Variants in CHN2 observed in about 807,000 individuals in gnomAD.
CHN2 encodes the protein chimerin 2.
In CHN2, 35 loss-of-function variants were observed where a neutral mutation model predicts 56.3. The observed-to-expected ratio is 0.62, with a 90% CI of 0.47 to 0.82. The LOEUF is 0.82. Among genes scored for constraint, CHN2 ranks in the 40% least tolerant of loss-of-function variants. The pLI, the probability that CHN2 is intolerant of heterozygous loss-of-function variation, is 0.00. For missense variants in CHN2, 491 were observed against 580.5 expected (o/e 0.85, Z 1.58); for synonymous variants, 210 against 212.8 (o/e 0.99, Z 0.12).
intron 3 of CHN2, among the ~76,000 whole-genome samples, chr7:29,371,389 T>G (rs1799602349): frequency 6.6e-6 from 1 of 152,242 alleles, no homozygotes; most frequent in Non-Finnish European, 1.5e-5. Context: ...GAAGCTTTAC[T>G]ACTGCAAATT....
chr7:29,164,865 G>A (rs566408306), intron 2 of CHN2, among the ~76,000 whole-genome samples: 3 of 151,734 alleles, frequency 2.0e-5, no homozygotes, highest in South Asian at 4.2e-4. Context: ...ATATGTGTGG[G>A]TCTGTTTCTA....
chr7:29,195,621 AGAGAGAGAGTGT>A (rs990914462), intron 1 of CHN2, among the ~76,000 whole-genome samples: 2 of 127,510 alleles, frequency 1.6e-5, no homozygotes, highest in East Asian at 4.2e-4. Flanking sequence ...AGAGAGAGAG[AGAGAGAGAGTGT>A]GTGTGTGTGT....
chr7:29,211,289 G>A (rs370451424), intron 1 of CHN2, among the ~76,000 whole-genome samples: 76 of 151,368 alleles, frequency 5.0e-4, no homozygotes, highest in Admixed American at 3.6e-3. Flanking sequence ...CATGTTAGCC[G>A]GGATGGTCTC....
At chr7:29,221,282 A>G (rs1785771828) in intron 1 of CHN2, among the ~76,000 whole-genome samples, 1 of 152,258 alleles carries the variant, frequency 6.6e-6, no homozygotes, top group Admixed American at 6.5e-5. Flanking sequence ...AATTATATAC[A>G]TAGAAAATAT....
At chr7:29,262,376 T>TA (rs1383080834) in intron 1 of CHN2, among the ~76,000 whole-genome samples, 6 of 152,210 alleles carry the variant, frequency 3.9e-5, no homozygotes, top group Non-Finnish European at 8.8e-5. Context: ...TTGTGTCACT[T>TA]ACAAAAGTAA....
chr7:29,378,493 T>C (rs1375945332), intron 3 of CHN2, among the ~76,000 whole-genome samples: 2 of 152,204 alleles, frequency 1.3e-5, no homozygotes. Flanking sequence ...AATAAAGTTT[T>C]ATTAGAACGC....
rs77406245 is a variant in CHN2, at chr7:29,292,672, G to A, written c.50-61953G>A. On this transcript the variant is annotated intron_variant, in intron 1 of 12. Transcript: ENST00000222792. ...AAACTGGATCGTTGTCAGTAAAAGC[G>A]ACTGAAATGTTATTGATTTTTGTTT... Among the ~76,000 whole-genome samples, 782 of 152,334 alleles carry A rather than the reference G, an allele frequency of 5.1e-3. 9 individuals are homozygous for A. The highest frequency in any genetic ancestry group is 0.017 in the African/African-American group (721 of 41,582).
At chr7:29,473,385 C>T (rs555740382) in intron 6 of CHN2, among the ~76,000 whole-genome samples, 1 of 151,904 alleles carries the variant, frequency 6.6e-6, no homozygotes, top group Non-Finnish European at 1.5e-5. Context: ...AGGATTTTTA[C>T]AGCCCAGCCC....
At position 29,496,007 on chromosome 7, in the gene CHN2, G is replaced by A; in HGVS notation, c.710G>A (p.Gly237Glu). 6.2e-7 allele frequency: 1 copy of A among 1,612,436 alleles called. No homozygotes were observed. The highest frequency in any genetic ancestry group is 8.5e-7 in the Non-Finnish European group (1 of 1,179,478). ...GAATATTGTGCCAATTTCATGTGGGGGCTCATCGCCCAAGGGGTCCGGTGC... is the reference window on the plus strand; with the variant it reads ...GAATATTGTGCCAATTTCATGTGGGAGCTCATCGCCCAAGGGGTCCGGTGC... ...WCEYCANFMW[G>E]LIAQGVRCSD... Residue 237 changes from glycine to glutamate, a missense_variant, in exon 8 of 13, where the codon GGG becomes GAG. Gly to Glu is a moderately conservative substitution (Grantham distance 98). Transcript: ENST00000222792.
intron 8 of CHN2, among the ~76,000 whole-genome samples, chr7:29,497,169 T>C (rs1789392683): frequency 6.6e-6 from 1 of 152,082 alleles, no homozygotes; most frequent in Non-Finnish European, 1.5e-5. Context: ...TCAACATAGC[T>C]CAGAAGCAGC....
chr7:29,408,643 G>A (rs1354591226), intron 6 of CHN2, among the ~76,000 whole-genome samples: 2 of 152,142 alleles, frequency 1.3e-5, no homozygotes, highest in African/African-American at 2.4e-5. Flanking sequence ...TAAATGATGG[G>A]AAACAATTAA....
intron 1 of CHN2, among the ~76,000 whole-genome samples, chr7:29,320,600 A>G (rs1455237487): frequency 6.6e-6 from 1 of 152,148 alleles, no homozygotes; most frequent in East Asian, 1.9e-4. Context: ...CTCACATCTA[A>G]CAGCTAGTTG....
chr7:29,465,491 A>G (rs1253367014), intron 6 of CHN2, among the ~76,000 whole-genome samples: 3 of 152,204 alleles, frequency 2.0e-5, no homozygotes, highest in Non-Finnish European at 2.9e-5. Context: ...GGAACCTGCT[A>G]TTACAATACA....
chr7:29,348,815 T>C (rs900449495), intron 1 of CHN2, among the ~76,000 whole-genome samples: 1 of 152,156 alleles, frequency 6.6e-6, no homozygotes, highest in Non-Finnish European at 1.5e-5. Flanking sequence ...AATTTTTATA[T>C]AAGCAATATA....
intron 6 of CHN2, among the ~76,000 whole-genome samples, chr7:29,473,640 G>T (rs1224101901): frequency 6.6e-6 from 1 of 151,858 alleles, no homozygotes; most frequent in Non-Finnish European, 1.5e-5. Flanking sequence ...TCTCTGGCCT[G>T]ATCTCATACT....
At chr7:29,447,117 G>A (rs142577633) in intron 6 of CHN2, among the ~76,000 whole-genome samples, 123 of 152,216 alleles carry the variant, frequency 8.1e-4, no homozygotes, top group South Asian at 2.3e-3. Context: ...TACAGATGGG[G>A]GAAGAGGCAG....
At chr7:29,319,737 G>A (rs1795207093) in intron 1 of CHN2, among the ~76,000 whole-genome samples, 2 of 152,178 alleles carry the variant, frequency 1.3e-5, no homozygotes, top group Admixed American at 6.5e-5. Flanking sequence ...ATGGGTGCCT[G>A]AGGCTGTCTG....
chr7:29,445,023 G>GAT (rs1318074274), intron 6 of CHN2: 1 of 425,032 alleles, frequency 2.4e-6, no homozygotes. Context: ...AGAATGAAGA[G>GAT]ATAGAGACAG....
rs552081907 is a variant in CHN2, at chr7:29,340,400, G to T, written c.50-14225G>T. 7.0e-3 allele frequency among the ~76,000 whole-genome samples: 607 copies of T among 86,858 alleles called. 3 individuals are homozygous for T. The highest frequency in any genetic ancestry group is 0.019 in the African/African-American group (561 of 29,020). 57.0% of individuals were successfully genotyped at this position (86,858 alleles called of 152,430 possible). A position where few individuals can be genotyped will look rare whatever the true frequency, so the allele number is the denominator to read the frequency against. On this transcript the variant is annotated intron_variant, in intron 1 of 12. Coordinates refer to ENST00000222792, the MANE Select transcript of CHN2 (RefSeq NM_004067.4). ...CACTGCCTTCTGCAGGGGGTTGCTT[G>T]GGGGGGGGCCTCAATATTTAGCAGC...
Sources: allele counts gnomAD v4.1 joint callset (sites outside exome capture counted in the v4.1 genomes callset), GRCh38; gene constraint gnomAD v4.1.1; transcripts MANE v1.5; gene names NCBI Gene and HGNC (gene_info 2026-07-23, HGNC 2026-07-21).